The following TNKS variants were observed in gnomAD, a reference collection of about 807,000 sequenced individuals.
TNKS encodes poly [ADP-ribose] polymerase tankyrase-1.
A neutral mutation model predicts 135.8 loss-of-function variants in TNKS; 72 were observed. That is an observed-to-expected ratio of 0.53 (90% CI 0.44 to 0.64). TNKS has a LOEUF of 0.64. Ranked by LOEUF, TNKS falls within the 30% of genes least tolerant of loss-of-function variation. The pLI, the probability that TNKS is intolerant of heterozygous loss-of-function variation, is 0.00. For missense variants in TNKS, 1,769 were observed against 1,674.0 expected, an observed-to-expected ratio of 1.06 and a Z score of -0.99; for synonymous variants, 849 against 649.3, an observed-to-expected ratio of 1.31 and a Z score of -4.68.
At chr8:9,574,673 C>G (rs775085463) in intron 1 of TNKS, among the ~76,000 whole-genome samples, 1 of 152,176 alleles carries the variant, frequency 6.6e-6, no homozygotes, top group Non-Finnish European at 1.5e-5. Flanking sequence ...TTATTTTCTT[C>G]AAATTCTTCA....
At chr8:9,615,717 A>C (rs1404393381) in intron 3 of TNKS, 40 bp downstream of exon 3, 1 of 1,483,374 alleles carries the variant, frequency 6.7e-7, no homozygotes, top group South Asian at 1.2e-5. Context: ...ATATCTGTGT[A>C]ACTCCTTACT....
chr8:9,609,101 T>C (rs1453582175), intron 2 of TNKS, among the ~76,000 whole-genome samples: 1 of 152,200 alleles, frequency 6.6e-6, no homozygotes, highest in Admixed American at 6.5e-5. Flanking sequence ...TTTTAGATCT[T>C]TCAGCTTGTA....
At chr8:9,574,797 A>G (rs1288302853) in intron 1 of TNKS, among the ~76,000 whole-genome samples, 4 of 152,278 alleles carry the variant, frequency 2.6e-5, no homozygotes, top group East Asian at 1.9e-4. Flanking sequence ...TTTTTGGCCA[A>G]TGAACTATGT....
chr8:9,763,221 G>C lies in TNKS; in HGVS notation c.3349G>C (p.Glu1117Gln), dbSNP rs777454517. The change falls in exon 22 of 27, where the codon GAA becomes CAA. Residue 1117 changes from glutamate to glutamine, a missense_variant. Physicochemically the swap from Glu to Gln is conservative, Grantham distance 29 (BLOSUM62 2). Around this residue, in one of 5 missense-constraint regions of TNKS, gnomAD observed 722 missense variants for 688.9 expected, o/e 1.05. Transcript: ENST00000310430. ...GCTGGATCTTGCTCCAGAAGATAAAGAATATCAGTCAGTGGAAGAAGAGGT... is the reference window on the plus strand; with the variant it reads ...GCTGGATCTTGCTCCAGAAGATAAACAATATCAGTCAGTGGAAGAAGAGGT... ...ILLDLAPEDK[E>Q]YQSVEEEMQS... 1.2e-6 allele frequency: 2 copies of C among 1,608,696 alleles called. No individual in the cohort carries two copies. Among genetic ancestry groups the C allele is most frequent in the Non-Finnish European group, 8.5e-7 (1 of 1,176,124 alleles).
At chr8:9,705,330 T>G (rs1273137537) in intron 6 of TNKS, among the ~76,000 whole-genome samples, 1 of 152,178 alleles carries the variant, frequency 6.6e-6, no homozygotes, top group Admixed American at 6.5e-5. Flanking sequence ...ATACGATCAT[T>G]GGGTTTGCTG....
chr8:9,735,123 C>G (rs1195589156), intron 16 of TNKS, 39 bp downstream of exon 16: 1 of 1,582,934 alleles, frequency 6.3e-7, no homozygotes. Flanking sequence ...CTTTTCCTTT[C>G]TCGGACACCT....
chr8:9,677,588 CT>C (rs572303095), intron 3 of TNKS, among the ~76,000 whole-genome samples: 13 of 148,418 alleles, frequency 8.8e-5, no homozygotes, highest in Non-Finnish European at 7.5e-5. Flanking sequence ...TCAGAATTTA[CT>C]TTTTTTTTTG....
chr8:9,600,652 T>A (rs1387063074), intron 2 of TNKS, among the ~76,000 whole-genome samples: 2 of 152,134 alleles, frequency 1.3e-5, no homozygotes, highest in African/African-American at 2.4e-5. Flanking sequence ...TTTTTATTTT[T>A]TCCCACTGAC....
At chr8:9,703,547 G>A (rs541582740) in intron 5 of TNKS, among the ~76,000 whole-genome samples, 38 of 152,258 alleles carry the variant, frequency 2.5e-4, no homozygotes, top group Non-Finnish European at 4.9e-4. Flanking sequence ...CTTCTAATCT[G>A]AATGGTCTCC....
intron 21 of TNKS, 62 bp downstream of exon 21, chr8:9,761,698 C>T (rs1807157813): frequency 2.6e-6 from 4 of 1,536,786 alleles, no homozygotes; most frequent in East Asian, 4.6e-5. Flanking sequence ...AGTATTGGGG[C>T]TGATAATTGA....
At position 9,596,002 on chromosome 8, in the gene TNKS, C is replaced by G. The variant is rs954849137; in HGVS notation, c.898+15619C>G. Among the ~76,000 whole-genome samples the G allele has an allele frequency of 1.4e-4, 21 of 152,110 alleles. 1 individual carries two copies. The highest frequency in any genetic ancestry group is 4.6e-4 in the Admixed American group (7 of 15,276). ...TGGCACACACCTGTGGTCCTAGCTA[C>G]TTGGAAGGCTGAGGCAGAAGGATCA... On this transcript the variant is annotated intron_variant, in intron 2 of 26. Coordinates refer to ENST00000310430, the MANE Select transcript of TNKS (RefSeq NM_003747.3).
chr8:9,561,463 A>C (rs1224335804), intron 1 of TNKS, among the ~76,000 whole-genome samples: 1 of 152,206 alleles, frequency 6.6e-6, no homozygotes, highest in Non-Finnish European at 1.5e-5. Flanking sequence ...ATATAAATGC[A>C]GTCATACAAT....
rs1477363172 is a variant in TNKS at position 9,708,363 on chromosome 8, A to C, written c.1457-8A>C. On this transcript the variant is annotated splice_polypyrimidine_tract_variant and splice_region_variant and intron_variant, in intron 8 of 26. Coordinates refer to ENST00000310430, the MANE Select transcript of TNKS (RefSeq NM_003747.3). ...CTTTTTTTATGTCAACCATTGTTTC[A>C]TTGACAGATGAATTTAAAGGTCATT... The C allele has an allele frequency of 1.3e-6, 2 of 1,575,094 alleles. No homozygotes were observed. The highest frequency in any genetic ancestry group is 2.3e-5 in the East Asian group (1 of 43,874).
At chr8:9,769,669 G>C (rs1272312595) in intron 25 of TNKS, among the ~76,000 whole-genome samples, 1 of 139,074 alleles carries the variant, frequency 7.2e-6, no homozygotes, top group Non-Finnish European at 1.5e-5. Context: ...GCCCAGCCTG[G>C]AGTGCAGTGG....
chr8:9,657,255 C>A lies in TNKS; in HGVS notation c.995-22696C>A, dbSNP rs1472963609. ...GCGGCTGGCCGGGCGGGGGGCCGAC[C>A]CCCCCACCTCCCTCCCGGACGGGGC... On this transcript the variant is annotated intron_variant, in intron 3 of 26. Coordinates refer to ENST00000310430, the MANE Select transcript of TNKS (RefSeq NM_003747.3). Among the ~76,000 whole-genome samples the A allele has an allele frequency of 1.3e-4, 14 of 108,392 alleles. No individual in the cohort carries two copies. The South Asian group carries it at 1.6e-3, about 12-fold the overall frequency. The allele number at this position is 108,392 out of a possible 152,430, so 71.1% of individuals were successfully genotyped here. A position where few individuals can be genotyped will look rare whatever the true frequency, so the allele number is the denominator to read the frequency against.
rs944682989 is a variant in TNKS at position 9,750,568 on chromosome 8, G to GATAGA, written c.2833-1041_2833-1040insATAGA. On this transcript the variant is annotated intron_variant, in intron 18 of 26. Transcript: ENST00000310430. ...ATTAGTCCCCTTTCTCTCGCCTTCA[G>GATAGA]TAGCACTTGCCTATCTATCTTCCAT... Among the ~76,000 whole-genome samples the GATAGA allele has an allele frequency of 1.1e-3, 161 of 152,246 alleles. 2 individuals carry two copies. Among genetic ancestry groups the GATAGA allele is most frequent in the African/African-American group, 3.8e-3 (156 of 41,554 alleles).
chr8:9,675,384 C>T (rs138004114), intron 3 of TNKS, among the ~76,000 whole-genome samples: 4 of 152,258 alleles, frequency 2.6e-5, no homozygotes, highest in African/African-American at 9.6e-5. Flanking sequence ...ATAAGAGTCC[C>T]CACATTAACC....
In TNKS at chr8:9,556,430, C is replaced by A; in HGVS notation, c.491C>A (p.Pro164Gln). ...PEAAGVSSTA[P>Q]LGPGAAGPGT... is the part of the protein sequence containing the mutation. The stretch of plus-strand genomic sequence containing the variant: ...GCGGCCGGAGTTAGCAGCACAGCAC[C>A]ACTGGGGCCTGGGGCAGCAGGACCT... The change falls in exon 1 of 27, where the codon CCA becomes CAA. Residue 164 changes from proline to glutamine, a missense_variant. Pro to Gln is a moderately conservative substitution (Grantham distance 76). Coordinates refer to ENST00000310430, the MANE Select transcript of TNKS (RefSeq NM_003747.3). 6.2e-7 allele frequency: 1 copy of A among 1,614,178 alleles called. No homozygotes were observed. The highest frequency in any genetic ancestry group is 8.5e-7 in the Non-Finnish European group (1 of 1,180,038).
At chr8:9,732,399 A>G (rs1253227038) in intron 14 of TNKS, among the ~76,000 whole-genome samples, 1 of 152,176 alleles carries the variant, frequency 6.6e-6, no homozygotes, top group African/African-American at 2.4e-5. Flanking sequence ...GTAATTACAT[A>G]CAAGTGCACA....
Sources: gnomAD v4.1 joint callset for allele counts (sites outside exome capture counted in the v4.1 genomes callset) on GRCh38, gnomAD v4.1.1 for gene constraint, gnomAD v4.1.1 regional missense constraint, MANE v1.5 for transcripts, NCBI Gene and HGNC (gene_info 2026-07-23, HGNC 2026-07-21) for gene names.